The following ALK variants were observed in gnomAD, a reference collection of about 807,000 sequenced individuals.
The protein encoded by ALK is ALK tyrosine kinase receptor.
In ALK, 74 loss-of-function variants were observed where a neutral mutation model predicts 163.1. The observed-to-expected ratio is 0.45, with a 90% confidence interval of 0.38 to 0.55. The LOEUF (loss-of-function observed/expected upper bound fraction) is 0.55, where lower values mean the gene tolerates loss of function less well. ALK is among the 20% of genes least tolerant of loss of function. ALK has a pLI of 0.00. For missense variants in ALK, 2,063 were observed against 2,105.3 expected (o/e 0.98, Z 0.39); for synonymous variants, 960 against 843.2 (o/e 1.14, Z -2.40).
At chr2:29,210,503 G>A (rs1369272629) in intron 24 of ALK, among the ~76,000 whole-genome samples, 1 of 152,100 alleles carries the variant, frequency 6.6e-6, no homozygotes, top group Non-Finnish European at 1.5e-5. Flanking sequence ...TGCGATCTTG[G>A]CTCACTGCAA....
At chr2:29,844,147 C>G (rs1027784899) in intron 1 of ALK, among the ~76,000 whole-genome samples, 18 of 152,164 alleles carry the variant, frequency 1.2e-4, no homozygotes, top group African/African-American at 4.3e-4. Flanking sequence ...GAACTGCTAT[C>G]TGAAGGATAA....
chr2:29,786,995 C>T (rs1026005409), intron 1 of ALK, among the ~76,000 whole-genome samples: 1 of 152,160 alleles, frequency 6.6e-6, no homozygotes, highest in Non-Finnish European at 1.5e-5. Flanking sequence ...CAGGGTTTCA[C>T]CATGTTAGCC....
intron 3 of ALK, among the ~76,000 whole-genome samples, chr2:29,588,728 A>C (rs1674963244): frequency 3.9e-5 from 6 of 152,236 alleles, no homozygotes. Flanking sequence ...ACAATATGTA[A>C]GCAAATGAGT....
intron 1 of ALK, among the ~76,000 whole-genome samples, chr2:29,818,678 T>C (rs560870796): frequency 4.6e-5 from 7 of 152,230 alleles, no homozygotes; most frequent in Non-Finnish European, 8.8e-5. Context: ...GTAGCAGATA[T>C]AGGGTTTGAC....
chr2:29,318,394 TA>T lies in ALK; in HGVS notation c.1556del (p.Leu519HisfsTer16). ...ARFQDHQDHA[L>X]LLSTTDVPAS... Reference sequence around the variant, plus strand: ...CGGGGACATCAGTGGTACTGAGCAATAGAGCATGGTCTAGGAGAGAGGAAAA... The same window carrying T: ...CGGGGACATCAGTGGTACTGAGCAATGAGCATGGTCTAGGAGAGAGGAAAA... On this transcript the variant is annotated frameshift_variant, in exon 8 of 29. Coordinates refer to ENST00000389048, the MANE Select transcript of ALK (RefSeq NM_004304.5). LOFTEE classifies it high-confidence loss of function. The T allele has an allele frequency of 2.5e-6, 4 of 1,612,072 alleles. No homozygotes were observed. The highest frequency in any genetic ancestry group is 3.4e-6 in the Non-Finnish European group (4 of 1,178,194).
intron 3 of ALK, among the ~76,000 whole-genome samples, chr2:29,694,457 T>G (rs1006621547): frequency 1.3e-5 from 2 of 152,232 alleles, no homozygotes; most frequent in African/African-American, 4.8e-5. Context: ...TTAAGTGTGT[T>G]CCAACTATTG....
intron 8 of ALK, among the ~76,000 whole-genome samples, chr2:29,314,168 A>G (rs939969379): frequency 6.6e-6 from 1 of 152,126 alleles, no homozygotes; most frequent in Non-Finnish European, 1.5e-5. Flanking sequence ...CAATTTACAG[A>G]AAAATTCCCT....
At chr2:29,650,191 T>A (rs571284685) in intron 3 of ALK, among the ~76,000 whole-genome samples, 3 of 152,270 alleles carry the variant, frequency 2.0e-5, no homozygotes, top group Admixed American at 1.3e-4. Flanking sequence ...CATATCAAGA[T>A]GAACTGAACA....
At chr2:29,760,059 A>G (rs1328986421) in intron 1 of ALK, among the ~76,000 whole-genome samples, 2 of 152,168 alleles carry the variant, frequency 1.3e-5, no homozygotes, top group Non-Finnish European at 2.9e-5. Context: ...TGGTTTTGTC[A>G]CAACAAGTGC....
At position 29,193,522 on chromosome 2, in the gene ALK, A is replaced by G. The variant is rs771352312; in HGVS notation, c.4565T>C (p.Ile1522Thr). 1.9e-6 allele frequency: 3 copies of G among 1,613,994 alleles called. No individual in the cohort carries two copies. The South Asian group carries it at 3.3e-5, about 18-fold the overall frequency. ...CCTGTCGTGTGGCTCCTTCTTTGCT[A>G]TAGGATTATTCTTTTTGGTGGGTTT... ...TEKPTKKNNP[I>T]AKKEPHDRGN... The change falls in exon 29 of 29, where the codon ATA becomes ACA. Residue 1522 changes from isoleucine (I) to threonine (T), a missense_variant. Transcript: ENST00000389048.
chr2:29,711,577 A>G (rs1229949701), intron 2 of ALK, among the ~76,000 whole-genome samples: 2 of 150,478 alleles, frequency 1.3e-5, no homozygotes, highest in Non-Finnish European at 3.0e-5. Context: ...CCCTTCTCCC[A>G]TTCTCTGTGT....
chr2:29,728,109 C>G (rs1229232210), intron 1 of ALK, among the ~76,000 whole-genome samples: 1 of 150,194 alleles, frequency 6.7e-6, no homozygotes, highest in Non-Finnish European at 1.5e-5. Context: ...CTGCAATACT[C>G]TGGGATGTTT....
intron 3 of ALK, among the ~76,000 whole-genome samples, chr2:29,625,053 T>A (rs1250323025): frequency 6.6e-6 from 1 of 152,158 alleles, no homozygotes; most frequent in Non-Finnish European, 1.5e-5. Flanking sequence ...TGTGTCAGGT[T>A]AGTGTGGGGA....
intron 20 of ALK, 145 bp downstream of exon 20, chr2:29,223,197 A>C: frequency 1.2e-6 from 1 of 801,994 alleles, no homozygotes; most frequent in Non-Finnish European, 2.1e-6. Context: ...CCTGAATGTC[A>C]AGGCTTGTCC....
At chr2:29,631,987 T>C in intron 3 of ALK, among the ~76,000 whole-genome samples, 1 of 152,230 alleles carries the variant, frequency 6.6e-6, no homozygotes, top group East Asian at 1.9e-4. Flanking sequence ...TAGGGATTGC[T>C]TCTAAGCAGC....
chr2:29,202,572 A>C lies in ALK; in HGVS notation c.3938+4599T>G, dbSNP rs569793699. Reference sequence around the variant, plus strand: ...ATTGTATGTTTCACATTTTTAAACAATGCGTGAAAGCGCAAACGATACTGT... The same window carrying C: ...ATTGTATGTTTCACATTTTTAAACACTGCGTGAAAGCGCAAACGATACTGT... On this transcript the variant is annotated intron_variant, in intron 26 of 28. Coordinates refer to ENST00000389048, the MANE Select transcript of ALK (RefSeq NM_004304.5). 1.9e-3 allele frequency among the ~76,000 whole-genome samples: 290 copies of C among 152,374 alleles called. 2 individuals carry two copies. Among genetic ancestry groups the C allele is most frequent in the African/African-American group, 6.9e-3 (286 of 41,580 alleles).
chr2:29,862,578 C>A (rs1017663845), intron 1 of ALK, among the ~76,000 whole-genome samples: 6 of 152,130 alleles, frequency 3.9e-5, no homozygotes, highest in Non-Finnish European at 5.9e-5. Context: ...TGTGAAAGAT[C>A]TGAACACTGA....
Position 29,245,841 on chromosome 2 carries a change from C to T in ALK, c.2204+5264G>A, listed in dbSNP as rs545221347. On this transcript the variant is annotated intron_variant, in intron 12 of 28. Coordinates refer to ENST00000389048, the MANE Select transcript of ALK (RefSeq NM_004304.5). Reference sequence around the variant, plus strand: ...GCTCTATGGCTCAGTGCCTTGCACACAGTTGGGGCTCCATGGCTCAGTGCC... The same window carrying T: ...GCTCTATGGCTCAGTGCCTTGCACATAGTTGGGGCTCCATGGCTCAGTGCC... Among the ~76,000 whole-genome samples, 201 of 142,940 alleles carry T rather than the reference C, an allele frequency of 1.4e-3. 1 individual carries two copies. Among genetic ancestry groups the T allele is most frequent in the Non-Finnish European group, 2.2e-3 (144 of 65,066 alleles). 93.8% of individuals were successfully genotyped at this position (142,940 alleles called of 152,430 possible).
At chr2:29,321,190 C>T (rs1418545068) in intron 6 of ALK, among the ~76,000 whole-genome samples, 3 of 152,230 alleles carry the variant, frequency 2.0e-5, no homozygotes, top group African/African-American at 7.2e-5. Context: ...TGTGAAGCAA[C>T]TTGACCAAGG....
Sources: gnomAD v4.1 joint callset for allele counts (sites outside exome capture counted in the v4.1 genomes callset) on GRCh38, gnomAD v4.1.1 for gene constraint, MANE v1.5 for transcripts, NCBI Gene and HGNC (gene_info 2026-07-23, HGNC 2026-07-21) for gene names.